PLD1: variants seen among roughly 807,000 people sequenced by gnomAD.
PLD1 encodes the protein choline phosphatase 1.
Under a neutral mutation model 137.1 loss-of-function variants are expected in PLD1, and 112 were observed. The ratio of observed to expected loss-of-function variants is 0.82; its 90% CI spans 0.70 to 0.96. The LOEUF (loss-of-function observed/expected upper bound fraction) is 0.96, where lower values mean the gene tolerates loss of function less well. Ranked by LOEUF, PLD1 falls within the 40% of genes least tolerant of loss-of-function variation. The pLI is 0.00. For synonymous variants in PLD1, 431 were observed against 454.7 expected, an observed-to-expected ratio of 0.95 and a Z score of 0.66; for missense variants, 1,321 against 1,342.0, an observed-to-expected ratio of 0.98 and a Z score of 0.24.
intron 23 of PLD1, among the ~76,000 whole-genome samples, chr3:171,622,100 G>T (rs1239459317): frequency 6.6e-6 from 1 of 152,108 alleles, no homozygotes; most frequent in African/African-American, 2.4e-5. Context: ...CCTACAGCTG[G>T]ATCATGATCT....
At chr3:171,774,342 G>C (rs528120345) in intron 1 of PLD1, among the ~76,000 whole-genome samples, 2 of 152,128 alleles carry the variant, frequency 1.3e-5, no homozygotes, top group Admixed American at 6.5e-5. Flanking sequence ...GAAGGGAAAG[G>C]GTCCCCAGGG....
intron 20 of PLD1, among the ~76,000 whole-genome samples, chr3:171,660,014 C>T (rs1287500985): frequency 6.6e-6 from 1 of 152,114 alleles, no homozygotes; most frequent in Non-Finnish European, 1.5e-5. Flanking sequence ...TATTTTGTTG[C>T]TGCATAAAGG....
intron 12 of PLD1, among the ~76,000 whole-genome samples, chr3:171,697,406 G>A (rs1013307326): frequency 1.3e-5 from 2 of 151,694 alleles, no homozygotes; most frequent in African/African-American, 2.4e-5. Flanking sequence ...CACCATGCCC[G>A]GCTAATTGTT....
At chr3:171,646,652 G>A (rs1736243367) in intron 21 of PLD1, among the ~76,000 whole-genome samples, 1 of 145,016 alleles carries the variant, frequency 6.9e-6, no homozygotes, top group African/African-American at 2.6e-5. Context: ...TAAATGGTGA[G>A]CAGGATAGCG....
intron 23 of PLD1, among the ~76,000 whole-genome samples, 198 bp from the exon 24 acceptor site, chr3:171,620,718 T>TTCTCTCTCTCTC (rs369273677): frequency 8.6e-5 from 9 of 104,146 alleles, no homozygotes; most frequent in African/African-American, 1.1e-4. Context: ...CTGAATGGCT[T>TTCTCTCTCTCTC]TCTCTCTCTC....
At chr3:171,644,873 C>A (rs1736061541) in intron 22 of PLD1, 37 bp downstream of exon 22, 1 of 1,268,740 alleles carries the variant, frequency 7.9e-7, no homozygotes, top group African/African-American at 1.5e-5. Flanking sequence ...TGATGCATGA[C>A]CGAAAGCTCA....
intron 1 of PLD1, among the ~76,000 whole-genome samples, chr3:171,747,232 T>C (rs887473654): frequency 1.2e-4 from 18 of 152,138 alleles, no homozygotes; most frequent in Admixed American, 1.1e-3. Flanking sequence ...ATTCGTGAAG[T>C]CAGTGCAGAC....
chr3:171,677,834 A>G (rs1220688096), intron 16 of PLD1, 140 bp from the exon 17 acceptor site: 4 of 766,762 alleles, frequency 5.2e-6, no homozygotes, highest in East Asian at 2.7e-5. Context: ...CCATTCTATT[A>G]CAGGCTGTGG....
At chr3:171,622,055 AT>A (rs1440742812) in intron 23 of PLD1, among the ~76,000 whole-genome samples, 1 of 152,190 alleles carries the variant, frequency 6.6e-6, no homozygotes, top group Non-Finnish European at 1.5e-5. Flanking sequence ...ACTAAAAAAT[AT>A]TTTACCTTTT....
intron 6 of PLD1, among the ~76,000 whole-genome samples, chr3:171,726,640 C>T (rs1352162629): frequency 6.6e-6 from 1 of 152,088 alleles, no homozygotes; most frequent in Admixed American, 6.5e-5. Context: ...GGGCTTTGAA[C>T]ATCAGGCATA....
rs1177942390 is a variant in PLD1, at chr3:171,601,832, A to G, written c.*1246T>C. The G allele has an allele frequency of 6.6e-6, 1 of 152,208 alleles. No homozygotes were observed. Among genetic ancestry groups the G allele is most frequent in the Non-Finnish European group, 1.5e-5 (1 of 68,040 alleles). 9.4% of individuals were successfully genotyped at this position (152,208 alleles called of 1,614,324 possible). A position where few individuals can be genotyped will look rare whatever the true frequency, so the allele number is the denominator to read the frequency against. ...TGTCAGAGTTGTTCAGCTTAGTAAA[A>G]TTTAGTTTATCAAAGGGTACTCTAA... On this transcript the variant is annotated 3_prime_UTR_variant, in exon 27 of 27. Coordinates refer to ENST00000351298, the MANE Select transcript of PLD1 (RefSeq NM_002662.5).
At chr3:171,639,047 C>T (rs1434637179) in intron 23 of PLD1, among the ~76,000 whole-genome samples, 1 of 151,792 alleles carries the variant, frequency 6.6e-6, no homozygotes, top group African/African-American at 2.4e-5. Context: ...ATGGGAATTA[C>T]ATAGCCAGCT....
At chr3:171,748,891 T>C (rs1023776673) in intron 1 of PLD1, among the ~76,000 whole-genome samples, 2 of 150,298 alleles carry the variant, frequency 1.3e-5, no homozygotes, top group Non-Finnish European at 3.0e-5. Context: ...TTCTAAGAGC[T>C]ATCAGTAAGA....
chr3:171,770,888 C>CAAAAAAAAAAAA (rs34683994), intron 1 of PLD1, among the ~76,000 whole-genome samples: 7 of 40,876 alleles, frequency 1.7e-4, no homozygotes, highest in Non-Finnish European at 1.5e-4. Flanking sequence ...AACCCTATCT[C>CAAAAAAAAAAAA]AAAAAAAAAA....
intron 9 of PLD1, among the ~76,000 whole-genome samples, chr3:171,710,712 A>C (rs1208672682): frequency 6.6e-6 from 1 of 152,046 alleles, no homozygotes; most frequent in East Asian, 1.9e-4. Flanking sequence ...CCATTCCCTC[A>C]GCTTCTGGAA....
At position 171,620,512 on chromosome 3, in the gene PLD1, G is replaced by A. The variant is rs1487673182; in HGVS notation, c.2602C>T (p.Gln868Ter). The A allele has an allele frequency of 3.2e-6, 5 of 1,563,768 alleles. No individual in the cohort carries two copies. In the Admixed American group the frequency reaches 8.6e-5, roughly 27 times the overall value. ...CAGAATGATATGTAATTTATCCACTGATTACCAACTGCAAATTTAAAAAGA... is the reference window on the plus strand; with the variant it reads ...CAGAATGATATGTAATTTATCCACTAATTACCAACTGCAAATTTAAAAAGA... Reference protein sequence around the residue: ...LGQLKAELGNQWINYISFCGL... With the variant: ...LGQLKAELGN Residue 868 changes from glutamine (Q) to a stop codon, truncating the protein, a stop_gained, in exon 24 of 27, where the codon CAG (glutamine) becomes TAG (stop). Transcript: ENST00000351298. LOFTEE classifies it high-confidence loss of function.
intron 11 of PLD1, among the ~76,000 whole-genome samples, chr3:171,700,749 T>C (rs978797035): frequency 6.6e-6 from 1 of 152,138 alleles, no homozygotes; most frequent in Admixed American, 6.6e-5. Flanking sequence ...GGCTGATATA[T>C]GAAATTTTTC....
At chr3:171,758,281 G>C (rs886370861) in intron 1 of PLD1, among the ~76,000 whole-genome samples, 1 of 152,184 alleles carries the variant, frequency 6.6e-6, no homozygotes, top group African/African-American at 2.4e-5. Context: ...GACTCAGCTG[G>C]TGGGTGGCAG....
chr3:171,682,154 AAGAAAGAAAGAAAAAG>A (rs1246169443), intron 16 of PLD1, among the ~76,000 whole-genome samples: 46 of 59,920 alleles, frequency 7.7e-4, no homozygotes, highest in African/African-American at 3.9e-3. Context: ...GAAAGAAAGA[AAGAAAGAAAGAAAAAG>A]AAAGAAAGAA....
Sources: gnomAD v4.1 joint callset for allele counts (sites outside exome capture counted in the v4.1 genomes callset) on GRCh38, gnomAD v4.1.1 for gene constraint, MANE v1.5 for transcripts, NCBI Gene and HGNC (gene_info 2026-07-23, HGNC 2026-07-21) for gene names.